THSD7B: variants seen among roughly 807,000 people sequenced by gnomAD.
THSD7B encodes the protein thrombospondin type-1 domain-containing protein 7B.
A neutral mutation model predicts 213.6 loss-of-function variants in THSD7B; 138 were observed. The ratio of observed to expected loss-of-function variants is 0.65; its 90% confidence interval spans 0.56 to 0.74. The LOEUF (loss-of-function observed/expected upper bound fraction) is 0.74. THSD7B is among the 30% of genes least tolerant of loss of function. The pLI is 0.00. For synonymous variants in THSD7B, 742 were observed against 687.0 expected (o/e 1.08, Z -1.25); for missense variants, 1,931 against 1,991.5 (o/e 0.97, Z 0.58).
At chr2:137,179,154 G>C (rs902399259) in intron 7 of THSD7B, among the ~76,000 whole-genome samples, 1 of 152,056 alleles carries the variant, frequency 6.6e-6, no homozygotes, top group African/African-American at 2.4e-5. Context: ...TGATTAAATG[G>C]TCAACCCAAC....
intron 12 of THSD7B, among the ~76,000 whole-genome samples, chr2:137,378,491 A>G (rs916550879): frequency 1.3e-5 from 2 of 151,988 alleles, no homozygotes; most frequent in Non-Finnish European, 2.9e-5. Flanking sequence ...GTACTTATAT[A>G]TTTATTTTGG....
intron 1 of THSD7B, among the ~76,000 whole-genome samples, chr2:136,833,556 T>C (rs1052449933): frequency 6.6e-6 from 1 of 151,556 alleles, no homozygotes; most frequent in Non-Finnish European, 1.5e-5. Flanking sequence ...CAAGTGTGGG[T>C]CATATAATTC....
intron 18 of THSD7B, among the ~76,000 whole-genome samples, chr2:137,617,227 T>C (rs1682404160): frequency 6.6e-6 from 1 of 152,196 alleles, no homozygotes. Context: ...ACTTGCTTTA[T>C]TGGAAGAGCA....
At chr2:137,458,066 A>G (rs533307625) in intron 15 of THSD7B, among the ~76,000 whole-genome samples, 1 of 152,138 alleles carries the variant, frequency 6.6e-6, no homozygotes, top group Non-Finnish European at 1.5e-5. Context: ...AAAAAGTTAG[A>G]AGAACCAAAT....
At chr2:137,401,894 C>T (rs979880079) in intron 12 of THSD7B, among the ~76,000 whole-genome samples, 1 of 152,146 alleles carries the variant, frequency 6.6e-6, no homozygotes, top group Admixed American at 6.5e-5. Context: ...CATATCTGAG[C>T]TATTGGTTCA....
chr2:136,878,976 C>T (rs1322954478), intron 1 of THSD7B, among the ~76,000 whole-genome samples: 1 of 152,188 alleles, frequency 6.6e-6, no homozygotes, highest in East Asian at 1.9e-4. Flanking sequence ...GTGTTTTAGA[C>T]ATGAAGTCCT....
chr2:137,089,197 G>A (rs1393822855), intron 3 of THSD7B, among the ~76,000 whole-genome samples: 1 of 151,434 alleles, frequency 6.6e-6, no homozygotes, highest in African/African-American at 2.4e-5. Context: ...ATTGCAAAAT[G>A]TAGAACCAAC....
chr2:137,112,498 A>C (rs184861769), intron 4 of THSD7B, among the ~76,000 whole-genome samples: 1 of 152,290 alleles, frequency 6.6e-6, no homozygotes, highest in Admixed American at 6.5e-5. Flanking sequence ...ATAGTCATTA[A>C]ACTCTTGTTT....
intron 15 of THSD7B, among the ~76,000 whole-genome samples, chr2:137,514,263 G>A (rs1165227045): frequency 6.6e-6 from 1 of 152,168 alleles, no homozygotes; most frequent in African/African-American, 2.4e-5. Flanking sequence ...ACTGGGAGAA[G>A]CAGACCCACC....
At chr2:137,554,567 G>T (rs1680914490) in intron 15 of THSD7B, among the ~76,000 whole-genome samples, 1 of 152,128 alleles carries the variant, frequency 6.6e-6, no homozygotes, top group Admixed American at 6.5e-5. Flanking sequence ...AAGAGGGGAG[G>T]CGGTTCCAAG....
At chr2:137,509,874 A>G (rs1359745892) in intron 15 of THSD7B, among the ~76,000 whole-genome samples, 1 of 152,172 alleles carries the variant, frequency 6.6e-6, no homozygotes, top group Non-Finnish European at 1.5e-5. Flanking sequence ...ATTAAATATG[A>G]AATCTCTTTC....
intron 5 of THSD7B, among the ~76,000 whole-genome samples, chr2:137,153,419 G>T (rs1203437578): frequency 6.6e-6 from 1 of 152,106 alleles, no homozygotes; most frequent in Admixed American, 6.6e-5. Flanking sequence ...TAAATCTGCT[G>T]TGCATATACA....
intron 10 of THSD7B, among the ~76,000 whole-genome samples, chr2:137,271,429 A>AT (rs1682733838): frequency 5.2e-5 from 7 of 135,712 alleles, no homozygotes; most frequent in Admixed American, 1.5e-4. Context: ...ATAATTATAT[A>AT]ATATATATAA....
At chr2:137,554,310 C>T (rs932306064) in intron 15 of THSD7B, among the ~76,000 whole-genome samples, 8 of 151,892 alleles carry the variant, frequency 5.3e-5, no homozygotes, top group Non-Finnish European at 1.0e-4. Context: ...TTATGTCTTG[C>T]GAAAAATATG....
intron 2 of THSD7B, among the ~76,000 whole-genome samples, chr2:136,975,556 T>C (rs1325282767): frequency 6.6e-6 from 1 of 152,178 alleles, no homozygotes; most frequent in East Asian, 1.9e-4. Flanking sequence ...TGTCTGTTTT[T>C]GCATCAGTAC....
At chr2:136,905,700 A>G (rs1487077125) in intron 2 of THSD7B, among the ~76,000 whole-genome samples, 1 of 152,250 alleles carries the variant, frequency 6.6e-6, no homozygotes, top group African/African-American at 2.4e-5. Context: ...GGTTGTGGGC[A>G]AATATGCCAA....
At chr2:137,401,062 G>A (rs1334745270) in intron 12 of THSD7B, among the ~76,000 whole-genome samples, 1 of 152,158 alleles carries the variant, frequency 6.6e-6, no homozygotes, top group Non-Finnish European at 1.5e-5. Context: ...GCAGGAGTGG[G>A]ATCTTAAAGC....
At chr2:137,090,617 T>A (rs1216686108) in intron 3 of THSD7B, among the ~76,000 whole-genome samples, 4 of 152,200 alleles carry the variant, frequency 2.6e-5, no homozygotes, top group Non-Finnish European at 5.9e-5. Context: ...AAAGACAGCA[T>A]GTTCTATACA....
At chr2:137,066,378 G>GCA (rs1687382290) in intron 3 of THSD7B, among the ~76,000 whole-genome samples, 1 of 151,828 alleles carries the variant, frequency 6.6e-6, no homozygotes, top group South Asian at 2.1e-4. Context: ...ATTTTTAGTA[G>GCA]AGACGGGGTT....
Sources: gnomAD v4.1 joint callset for allele counts (sites outside exome capture counted in the v4.1 genomes callset) on GRCh38, gnomAD v4.1.1 for gene constraint, MANE v1.5 for transcripts, NCBI Gene and HGNC (gene_info 2026-07-23, HGNC 2026-07-21) for gene names.